ELOC: variants seen among roughly 807,000 people sequenced by gnomAD.
The protein encoded by ELOC is elongin C.
For synonymous variants in ELOC, 40 were observed against 51.3 expected, an observed-to-expected ratio of 0.78 and a Z score of 0.94; for missense variants, 38 against 139.0, an observed-to-expected ratio of 0.27 and a Z score of 3.65.
chr8:73,946,874 CAT>C (rs1813411862), intron 3 of ELOC, 54 bp from the exon 4 acceptor site: 2 of 1,498,308 alleles, frequency 1.3e-6, no homozygotes, highest in South Asian at 2.4e-5. Context: ...CCTCCAAATT[CAT>C]ATGTTGAAGT....
At chr8:73,965,036 CAA>C (rs61081733) in intron 1 of ELOC, among the ~76,000 whole-genome samples, 5 of 81,442 alleles carry the variant, frequency 6.1e-5, no homozygotes, top group Non-Finnish European at 7.0e-5. Flanking sequence ...AAAAACAAAC[CAA>C]AAAAAAAAAA....
Position 73,956,053 on chromosome 8 carries a change from A to G in ELOC, c.6T>C (p.Asp2=). ...AGCCACCATAGGTTTTCTCCTCTCC[A>G]TCTAAAGTAAAGTAAGTAGTGAAAC... is the stretch of plus-strand genomic sequence containing the variant. M[D]GEEKTYGGCE... is the part of the protein sequence containing the mutation. Residue 2 remains aspartate, a splice_region_variant and synonymous_variant, in exon 3 of 4, where the codon GAT becomes GAC. Coordinates refer to ENST00000520242, the MANE Select transcript of ELOC (RefSeq NM_005648.4). 1 of 1,610,828 alleles carries G rather than the reference A, an allele frequency of 6.2e-7. No homozygotes were observed. Among genetic ancestry groups the G allele is most frequent in the South Asian group, 1.1e-5 (1 of 90,802 alleles).
rs138785226 is a variant in ELOC, at chr8:73,945,306, A to G, written c.*1324T>C. On this transcript the variant is annotated 3_prime_UTR_variant, in exon 4 of 4. Coordinates refer to ENST00000520242, the MANE Select transcript of ELOC (RefSeq NM_005648.4). ...GCTAATTTTTGCATTTTTGGTAGAG[A>G]TGGGGTTTTGCCATGGTGGCCAGGC... The G allele has an allele frequency of 0.065, 9,885 of 151,706 alleles. 480 individuals carry two copies. The highest frequency in any genetic ancestry group is 0.16 in the Admixed American group (2,437 of 15,190). The allele number at this position is 151,706 out of a possible 1,614,324, so 9.4% of individuals were successfully genotyped here.
chr8:73,957,792 T>C (rs1814297407), intron 2 of ELOC, among the ~76,000 whole-genome samples: 2 of 152,306 alleles, frequency 1.3e-5, no homozygotes, highest in South Asian at 4.1e-4. Context: ...GTTTATTTAT[T>C]TTTATTTTTT....
At chr8:73,967,181 C>A (rs1296885014) in intron 1 of ELOC, among the ~76,000 whole-genome samples, 1 of 152,202 alleles carries the variant, frequency 6.6e-6, no homozygotes, top group Non-Finnish European at 1.5e-5. Flanking sequence ...GTGCCAGGCA[C>A]TGCTCTACAT....
At chr8:73,953,789 C>T (rs1265686535) in intron 3 of ELOC, among the ~76,000 whole-genome samples, 2 of 152,044 alleles carry the variant, frequency 1.3e-5, no homozygotes, top group Non-Finnish European at 2.9e-5. Flanking sequence ...TCTGTGGCTC[C>T]TCCAAAAGTT....
At chr8:73,958,237 C>T (rs928391794) in intron 2 of ELOC, among the ~76,000 whole-genome samples, 3 of 151,946 alleles carry the variant, frequency 2.0e-5, no homozygotes, top group South Asian at 2.1e-4. Flanking sequence ...GGGAAATAGG[C>T]GTGCACCACC....
chr8:73,960,941 A>C (rs1348458126), intron 1 of ELOC, among the ~76,000 whole-genome samples: 1 of 126,076 alleles, frequency 7.9e-6, no homozygotes, highest in Non-Finnish European at 1.6e-5. Context: ...GTGAGATCCT[A>C]TCTCTAAAAT....
chr8:73,971,216 G>A (rs1310127965), intron 1 of ELOC, among the ~76,000 whole-genome samples: 1 of 151,992 alleles, frequency 6.6e-6, no homozygotes, highest in Non-Finnish European at 1.5e-5. Flanking sequence ...GACCAGCCTG[G>A]CCAACATGTC....
At chr8:73,955,756 C>A in intron 3 of ELOC, 155 bp downstream of exon 3, 1 of 894,408 alleles carries the variant, frequency 1.1e-6, no homozygotes, top group South Asian at 1.7e-5. Flanking sequence ...CAGAATGAGA[C>A]TCTGTCTCTC....
In ELOC at chr8:73,946,451, A is replaced by G; in HGVS notation, c.*179T>C. The G allele has an allele frequency of 2.1e-6, 1 of 474,694 alleles. No homozygotes were observed. Among genetic ancestry groups the G allele is most frequent in the Admixed American group, 3.7e-5 (1 of 27,344 alleles). The allele number at this position is 474,694 out of a possible 1,614,324, so 29.4% of individuals were successfully genotyped here. A position where few individuals can be genotyped will look rare whatever the true frequency, so the allele number is the denominator to read the frequency against. ...TTGTGAAAATGTCCTTAATTTGTTG[A>G]TGTAGCAAACAAATTTCAACTTTGA... On this transcript the variant is annotated 3_prime_UTR_variant, in exon 4 of 4. Transcript: ENST00000520242.
At chr8:73,954,431 G>C (rs1255020355) in intron 3 of ELOC, among the ~76,000 whole-genome samples, 1 of 152,072 alleles carries the variant, frequency 6.6e-6, no homozygotes, top group African/African-American at 2.4e-5. Flanking sequence ...GGCTGAGGCA[G>C]GCGGATCACA....
intron 3 of ELOC, among the ~76,000 whole-genome samples, chr8:73,948,440 G>A (rs1433548454): frequency 6.6e-6 from 1 of 152,024 alleles, no homozygotes; most frequent in East Asian, 1.9e-4. Flanking sequence ...CAAATAACAG[G>A]TTTTCTGATT....
intron 3 of ELOC, 138 bp downstream of exon 3, chr8:73,955,773 A>C: frequency 9.4e-7 from 1 of 1,068,874 alleles, no homozygotes; most frequent in Non-Finnish European, 1.4e-6. Flanking sequence ...TCTCTCAAAC[A>C]AAAGAACAAA....
At chr8:73,965,968 C>T (rs899284834) in intron 1 of ELOC, among the ~76,000 whole-genome samples, 1 of 151,848 alleles carries the variant, frequency 6.6e-6, no homozygotes, top group Non-Finnish European at 1.5e-5. Flanking sequence ...ATCTGGGTCT[C>T]GATGGGTAGA....
intron 2 of ELOC, among the ~76,000 whole-genome samples, chr8:73,958,730 G>C (rs1814380259): frequency 6.6e-6 from 1 of 152,044 alleles, no homozygotes; most frequent in Admixed American, 6.6e-5. Context: ...ATTTCTTAAG[G>C]TAAAATTACT....
chr8:73,952,031 T>G (rs1477009640), intron 3 of ELOC, among the ~76,000 whole-genome samples: 1 of 152,052 alleles, frequency 6.6e-6, no homozygotes, highest in Non-Finnish European at 1.5e-5. Context: ...AGACCTAAAT[T>G]TAAGAGCCAA....
At chr8:73,955,726 T>C (rs1449786231) in intron 3 of ELOC, 185 bp downstream of exon 3, 6 of 680,372 alleles carry the variant, frequency 8.8e-6, no homozygotes, top group African/African-American at 3.6e-5. Context: ...GACCGCACCA[T>C]TGCACTCCAG....
chr8:73,949,627 A>G (rs538048777), intron 3 of ELOC, among the ~76,000 whole-genome samples: 1 of 152,318 alleles, frequency 6.6e-6, no homozygotes. Context: ...CCTACTCTGG[A>G]TATTTCATAA....
Sources: gnomAD v4.1 joint callset for allele counts (sites outside exome capture counted in the v4.1 genomes callset) on GRCh38, gnomAD v4.1.1 for gene constraint, MANE v1.5 for transcripts, NCBI Gene and HGNC (gene_info 2026-07-23, HGNC 2026-07-21) for gene names.